IL31RA: variants seen among roughly 807,000 people sequenced by gnomAD.
The protein encoded by IL31RA is interleukin-31 receptor subunit alpha.
IL31RA carries 66 observed loss-of-function variants against 83.7 expected under a neutral mutation model. The observed-to-expected ratio is 0.79, with a 90% CI of 0.65 to 0.97. The LOEUF is 0.97. IL31RA is among the 50% of genes least tolerant of loss of function. The pLI is 0.00. For missense variants in IL31RA, 798 were observed against 919.4 expected (o/e 0.87, Z 1.71); for synonymous variants, 325 against 329.0 (o/e 0.99, Z 0.13).
chr5:55,848,141 T>C (rs192846932), upstream of IL31RA, among the ~76,000 whole-genome samples: 11 of 152,338 alleles, frequency 7.2e-5, no homozygotes, highest in Non-Finnish European at 1.2e-4. Context: ...CTTTCCCAAC[T>C]CTGTTCTTTG....
rs1252237256 is a variant in IL31RA at position 55,919,745 on chromosome 5, C to T, written c.*2625C>T. On this transcript the variant is annotated 3_prime_UTR_variant, in exon 15 of 15. Coordinates refer to ENST00000652347, the MANE Select transcript of IL31RA (RefSeq NM_139017.7). ...TGAGTCCCCAAAAGGCACTGGTGGG[C>T]CACACCTTAGCTCTCCTGAGCAGGT... is the stretch of plus-strand genomic sequence containing the variant. Among the ~76,000 whole-genome samples, 2 of 152,140 alleles carry T rather than the reference C, an allele frequency of 1.3e-5. No individual in the cohort carries two copies. Among genetic ancestry groups the T allele is most frequent in the South Asian group, 2.1e-4 (1 of 4,826 alleles).
rs757434565 is a variant in IL31RA at position 55,907,429 on chromosome 5, A to G, written c.1323A>G (p.Pro441=). The part of the protein sequence containing the change: ...YPMLHDKVGE[P]YSIQAYAKEG... ...TGTTGCATGACAAAGTTGGCGAGCC[A>G]TATTCCATCCAGGCTTATGCCAAAG... The change falls in exon 10 of 15, where the codon CCA becomes CCG. Residue 441 remains proline, a synonymous_variant. Transcript: ENST00000652347. 1.1e-5 allele frequency: 17 copies of G among 1,613,380 alleles called. No homozygotes were observed. The highest frequency in any genetic ancestry group is 1.1e-5 in the Non-Finnish European group (13 of 1,179,246).
chr5:55,879,515 C>A (rs555316720), intron 4 of IL31RA, among the ~76,000 whole-genome samples: 37 of 140,126 alleles, frequency 2.6e-4, no homozygotes, highest in African/African-American at 1.0e-3. Context: ...TCAATGCAAC[C>A]TCCGCCTCCC....
At chr5:55,853,336 A>G in intron 1 of IL31RA, 2 of 1,284,350 alleles carry the variant, frequency 1.6e-6, no homozygotes, top group Non-Finnish European at 2.0e-6. Context: ...CAATAATGCA[A>G]TCCATTTCCC....
intron 5 of IL31RA, among the ~76,000 whole-genome samples, chr5:55,887,039 G>C (rs776734797): frequency 3.9e-5 from 6 of 152,178 alleles, no homozygotes; most frequent in African/African-American, 1.4e-4. Flanking sequence ...GTGCATGCCT[G>C]TGCTCAATAA....
chr5:55,892,589 T>C (rs1748069387), intron 6 of IL31RA, among the ~76,000 whole-genome samples: 1 of 152,200 alleles, frequency 6.6e-6, no homozygotes, highest in African/African-American at 2.4e-5. Context: ...AGCAAATAGT[T>C]CTCTTCCTTT....
rs1343299356 is a variant in IL31RA, at chr5:55,919,363, T to C, written c.*2243T>C. Among the ~76,000 whole-genome samples, 1 of 152,158 alleles carries C rather than the reference T, an allele frequency of 6.6e-6. No homozygotes were observed. The highest frequency in any genetic ancestry group is 1.9e-4 in the East Asian group (1 of 5,196). On this transcript the variant is annotated 3_prime_UTR_variant, in exon 15 of 15. Coordinates refer to ENST00000652347, the MANE Select transcript of IL31RA (RefSeq NM_139017.7). The stretch of plus-strand genomic sequence containing the variant: ...TCTAAGAATTTGATGGGAGAGAAAA[T>C]GGATCCCCAATGGCTCCTGTGAGTG...
intron 11 of IL31RA, among the ~76,000 whole-genome samples, chr5:55,909,749 G>C (rs1325471593): frequency 1.4e-4 from 21 of 148,052 alleles, no homozygotes. Context: ...TTGTTGCCCA[G>C]ACTGGAGTGC....
At chr5:55,849,587 C>T (rs1745006636), upstream of IL31RA, among the ~76,000 whole-genome samples, 1 of 152,178 alleles carries the variant, frequency 6.6e-6, no homozygotes, top group South Asian at 2.1e-4. Context: ...ATTACTCATC[C>T]TTCTCCAAAC....
intron 7 of IL31RA, among the ~76,000 whole-genome samples, chr5:55,898,124 T>C (rs1309956601): frequency 6.6e-6 from 1 of 152,194 alleles, no homozygotes; most frequent in Admixed American, 6.5e-5. Flanking sequence ...TTCTCAGCCA[T>C]CAAGTATGAA....
chr5:55,891,761 ATTTTTTTTTTTTTT>A (rs35672011), intron 6 of IL31RA, among the ~76,000 whole-genome samples: 27 of 60,032 alleles, frequency 4.5e-4, no homozygotes, highest in East Asian at 2.4e-3. Flanking sequence ...TTTGGACAAG[ATTTTTTTTTTTTTT>A]TTTTTTTTTT....
At chr5:55,859,416 C>T in intron 1 of IL31RA, 93 bp from the exon 2 acceptor site, 2 of 905,872 alleles carry the variant, frequency 2.2e-6, no homozygotes, top group Non-Finnish European at 3.7e-6. Flanking sequence ...ATCCTTCCTC[C>T]TTCCAAAATC....
chr5:55,881,178 T>G (rs1474132915), intron 4 of IL31RA, among the ~76,000 whole-genome samples: 1 of 151,956 alleles, frequency 6.6e-6, no homozygotes, highest in Non-Finnish European at 1.5e-5. Flanking sequence ...GGCAGATGCC[T>G]GTAGTCCCAG....
chr5:55,882,948 C>T (rs1747333598), intron 4 of IL31RA, 96 bp from the exon 5 acceptor site: 6 of 1,142,264 alleles, frequency 5.3e-6, no homozygotes, highest in African/African-American at 1.5e-5. Context: ...TAGCAGACCA[C>T]AATGCACGTA....
intron 6 of IL31RA, among the ~76,000 whole-genome samples, 156 bp from the exon 7 acceptor site, chr5:55,896,194 A>G (rs1274132541): frequency 6.6e-6 from 1 of 152,152 alleles, no homozygotes; most frequent in East Asian, 1.9e-4. Context: ...AAATGAAGAC[A>G]TCTTTGGTCA....
intron 4 of IL31RA, among the ~76,000 whole-genome samples, chr5:55,874,837 C>T (rs1221694066): frequency 6.6e-6 from 1 of 152,022 alleles, no homozygotes; most frequent in Non-Finnish European, 1.5e-5. Context: ...CTTATTTCTT[C>T]CTTTATGATC....
chr5:55,883,697 T>A (rs764301918), intron 5 of IL31RA, among the ~76,000 whole-genome samples: 4 of 152,202 alleles, frequency 2.6e-5, no homozygotes, highest in Admixed American at 6.5e-5. Context: ...TGACCTCTGT[T>A]AGAGCTGTTA....
chr5:55,861,059 T>C (rs1225168060), intron 2 of IL31RA, among the ~76,000 whole-genome samples: 2 of 152,172 alleles, frequency 1.3e-5, no homozygotes, highest in Non-Finnish European at 2.9e-5. Flanking sequence ...AATTACCTCT[T>C]CAAGTGCTCT....
At chr5:55,910,851 A>G (rs1237851416) in intron 12 of IL31RA, among the ~76,000 whole-genome samples, 179 bp downstream of exon 12, 1 of 152,138 alleles carries the variant, frequency 6.6e-6, no homozygotes, top group African/African-American at 2.4e-5. Flanking sequence ...GATGGGAGGG[A>G]AGAGCAGGCA....
Sources: allele counts gnomAD v4.1 joint callset (sites outside exome capture counted in the v4.1 genomes callset), GRCh38; gene constraint gnomAD v4.1.1; transcripts MANE v1.5; gene names NCBI Gene and HGNC (gene_info 2026-07-23, HGNC 2026-07-21).